The following TPGS2 variants were observed in gnomAD, a reference collection of about 807,000 sequenced individuals.
The protein encoded by TPGS2 is tubulin polyglutamylase complex subunit 2.
In TPGS2, 26 loss-of-function variants were observed where a neutral mutation model predicts 31.1. The ratio of observed to expected loss-of-function variants is 0.84; its 90% confidence interval spans 0.61 to 1.16. The LOEUF is 1.16. Ranked by LOEUF, TPGS2 falls within the 50% of genes most tolerant of loss-of-function variation. The pLI is 0.00. For synonymous variants in TPGS2, 130 were observed against 136.6 expected (o/e 0.95, Z 0.34); for missense variants, 351 against 363.8 (o/e 0.96, Z 0.29).
downstream of TPGS2, among the ~76,000 whole-genome samples, chr18:36,793,366 G>C (rs2150545774): frequency 6.6e-6 from 1 of 152,312 alleles, no homozygotes; most frequent in East Asian, 1.9e-4. Context: ...TACAAAGTAA[G>C]CATCTTATAT....
chr18:36,826,943 AG>A (rs1221221875), intron 1 of TPGS2, among the ~76,000 whole-genome samples: 2 of 152,302 alleles, frequency 1.3e-5, no homozygotes, highest in South Asian at 2.1e-4. Context: ...TAATCAAGAA[AG>A]GTTAGATTTT....
chr18:36,794,975 A>C lies in TPGS2; in HGVS notation c.*1830T>G, dbSNP rs960547870. The C allele has an allele frequency of 1.0e-6, 1 of 985,404 alleles. No individual in the cohort carries two copies. The allele number at this position is 985,404 out of a possible 1,614,324, so 61.0% of individuals were successfully genotyped here. On this transcript the variant is annotated 3_prime_UTR_variant, in exon 7 of 7. Coordinates refer to ENST00000334295, the MANE Select transcript of TPGS2 (RefSeq NM_015476.4). The stretch of plus-strand genomic sequence containing the variant: ...TTTAAAGCAAATGAAGAAGCTGTTA[A>C]TACGAAGCTCAGTTTATGCTCCCAA...
At chr18:36,802,484 G>A (rs573483435) in intron 4 of TPGS2, among the ~76,000 whole-genome samples, 7 of 151,892 alleles carry the variant, frequency 4.6e-5, no homozygotes, top group East Asian at 3.9e-4. Flanking sequence ...GTCAATATAC[G>A]AATTTTTTTT....
intron 4 of TPGS2, 89 bp from the exon 5 acceptor site, chr18:36,800,400 G>T: frequency 9.4e-7 from 1 of 1,063,656 alleles, no homozygotes; most frequent in Middle Eastern, 2.0e-4. Context: ...GGAAAAAACA[G>T]AAGGAAAAAG....
rs372598111 is a variant in TPGS2 at position 36,827,021 on chromosome 18, TATTA to T, written c.85+1658_85+1661del. ...CTTATTCTATTAGTAAGTTGTATTA[TATTA>T]ATTGATTTTTTTTAAGTTTCTTTTT... is the stretch of plus-strand genomic sequence containing the variant. On this transcript the variant is annotated intron_variant, in intron 1 of 6. Coordinates refer to ENST00000334295, the MANE Select transcript of TPGS2 (RefSeq NM_015476.4). Among the ~76,000 whole-genome samples, 978 of 152,312 alleles carry T rather than the reference TATTA, an allele frequency of 6.4e-3. 15 individuals carry two copies. Among genetic ancestry groups the T allele is most frequent in the African/African-American group, 0.022 (905 of 41,568 alleles).
In TPGS2 at chr18:36,824,014, C is replaced by A. The variant is rs151246205; in HGVS notation, c.85+4669G>T. ...TATGCATCCTTTCCCCCAAAAGAAA[C>A]CCATACCTATTATATTAGCAGTCCC... On this transcript the variant is annotated intron_variant, in intron 1 of 6. Transcript: ENST00000334295. 4.9e-4 allele frequency: 157 copies of A among 321,820 alleles called. No individual in the cohort carries two copies. In the East Asian group the frequency reaches 0.017, roughly 35 times the overall value. 19.9% of individuals were successfully genotyped at this position (321,820 alleles called of 1,614,324 possible).
At chr18:36,784,170 CTGT>C (rs2044078303) in intron 6 of TPGS2, among the ~76,000 whole-genome samples, 1 of 152,232 alleles carries the variant, frequency 6.6e-6, no homozygotes, top group South Asian at 2.1e-4. Context: ...AAATAAATTT[CTGT>C]TGTTATAAAC....
At chr18:36,782,177 T>A (rs1458544657), downstream of TPGS2, among the ~76,000 whole-genome samples, 1 of 152,210 alleles carries the variant, frequency 6.6e-6, no homozygotes, top group African/African-American at 2.4e-5. Flanking sequence ...TGCTGAGTTG[T>A]TGCTTTAGAA....
At chr18:36,798,036 G>T in intron 6 of TPGS2, 1 of 452,720 alleles carries the variant, frequency 2.2e-6, no homozygotes, top group Non-Finnish European at 3.0e-6. Flanking sequence ...CATGCTTTAT[G>T]TGCAATGAGT....
At chr18:36,828,130 T>C (rs1158711184) in intron 1 of TPGS2, among the ~76,000 whole-genome samples, 1 of 151,636 alleles carries the variant, frequency 6.6e-6, no homozygotes, top group African/African-American at 2.4e-5. Context: ...ATCGCGCCAT[T>C]GCACTCCAGC....
chr18:36,808,809 A>G (rs922313564), intron 2 of TPGS2, among the ~76,000 whole-genome samples: 1 of 152,176 alleles, frequency 6.6e-6, no homozygotes, highest in Admixed American at 6.5e-5. Flanking sequence ...GTATCCCTTC[A>G]GGAGATACCA....
chr18:36,797,273 T>C (rs1400446412), intron 6 of TPGS2, among the ~76,000 whole-genome samples: 1 of 152,110 alleles, frequency 6.6e-6, no homozygotes, highest in Non-Finnish European at 1.5e-5. Flanking sequence ...TCAGGACCTT[T>C]AAGATAAATG....
intron 4 of TPGS2, among the ~76,000 whole-genome samples, chr18:36,802,155 T>C (rs755499572): frequency 6.6e-6 from 1 of 152,248 alleles, no homozygotes; most frequent in Non-Finnish European, 1.5e-5. Context: ...TTGTTTGTCA[T>C]TGTTGCTCCA....
intron 2 of TPGS2, among the ~76,000 whole-genome samples, chr18:36,811,663 G>A (rs2045434498): frequency 6.6e-6 from 1 of 152,160 alleles, no homozygotes; most frequent in Non-Finnish European, 1.5e-5. Flanking sequence ...GGTAGCCTGA[G>A]TCTCAGGAAT....
intron 1 of TPGS2, among the ~76,000 whole-genome samples, chr18:36,825,759 T>C (rs923877806): frequency 1.1e-4 from 17 of 152,174 alleles, no homozygotes; most frequent in Admixed American, 5.2e-4. Flanking sequence ...AAGTTTATCT[T>C]GGCTACTCTG....
intron 2 of TPGS2, among the ~76,000 whole-genome samples, chr18:36,809,168 G>A (rs927486085): frequency 6.6e-6 from 1 of 152,140 alleles, no homozygotes; most frequent in Admixed American, 6.5e-5. Flanking sequence ...GCTGAGTGAC[G>A]AACACATCAC....
chr18:36,825,266 A>C (rs1389852244), intron 1 of TPGS2, among the ~76,000 whole-genome samples: 1 of 151,908 alleles, frequency 6.6e-6, no homozygotes, highest in African/African-American at 2.4e-5. Flanking sequence ...CCCTGTCTCT[A>C]CTAAAAATAC....
chr18:36,814,361 T>C (rs1469111242), intron 2 of TPGS2, among the ~76,000 whole-genome samples: 1 of 152,160 alleles, frequency 6.6e-6, no homozygotes, highest in Admixed American at 6.5e-5. Context: ...GCAGACAAAC[T>C]GAAATTGTGT....
At chr18:36,808,040 A>C in intron 2 of TPGS2, 106 bp from the exon 3 acceptor site, 1 of 1,050,630 alleles carries the variant, frequency 9.5e-7, no homozygotes, top group Non-Finnish European at 1.4e-6. Flanking sequence ...CGTCCCTGAA[A>C]TAGGAAGGCT....
Sources: gnomAD v4.1 joint callset for allele counts (sites outside exome capture counted in the v4.1 genomes callset) on GRCh38, gnomAD v4.1.1 for gene constraint, MANE v1.5 for transcripts, NCBI Gene and HGNC (gene_info 2026-07-23, HGNC 2026-07-21) for gene names.